The following UCK2 variants were observed in gnomAD, a reference collection of about 807,000 sequenced individuals.
The protein encoded by UCK2 is uridine-cytidine kinase 2.
Under a neutral mutation model 30.8 loss-of-function variants are expected in UCK2, and 6 were observed. That is an observed-to-expected ratio of 0.19 (90% CI 0.11 to 0.38). The LOEUF is 0.38. Among genes scored for constraint, UCK2 ranks in the 10% least tolerant of loss-of-function variants. The pLI, the probability that UCK2 is intolerant of heterozygous loss-of-function variation, is 1.00. For missense variants in UCK2, 210 were observed against 339.8 expected (o/e 0.62, Z 3.00); for synonymous variants, 125 against 133.6 (o/e 0.94, Z 0.45).
intron 1 of UCK2, among the ~76,000 whole-genome samples, chr1:165,866,981 T>C (rs1048411204): frequency 1.3e-5 from 2 of 152,204 alleles, no homozygotes; most frequent in African/African-American, 4.8e-5. Context: ...CTCGGAGATA[T>C]TGTGGTTTCA....
At chr1:165,906,017 T>C (rs765528677) in intron 6 of UCK2, 48 bp downstream of exon 6, 40 of 1,580,362 alleles carry the variant, frequency 2.5e-5, no homozygotes, top group Non-Finnish European at 2.9e-5. Context: ...CTGCCCTTTG[T>C]CAGTCATAAT....
chr1:165,902,345 G>A (rs1198396719), intron 4 of UCK2, among the ~76,000 whole-genome samples: 2 of 152,004 alleles, frequency 1.3e-5, no homozygotes, highest in Non-Finnish European at 2.9e-5. Flanking sequence ...CCAGGAGGTT[G>A]AGGCTGTAGT....
intron 1 of UCK2, among the ~76,000 whole-genome samples, chr1:165,869,634 T>C (rs1426432304): frequency 6.7e-6 from 1 of 150,300 alleles, no homozygotes; most frequent in Non-Finnish European, 1.5e-5. Flanking sequence ...TCCTAATGGG[T>C]ATGAAAGAGA....
intron 1 of UCK2, among the ~76,000 whole-genome samples, chr1:165,867,459 T>TA (rs1655074522): frequency 1.3e-5 from 2 of 152,132 alleles, no homozygotes; most frequent in Admixed American, 1.3e-4. Context: ...AATCAAAAAA[T>TA]AAAAAATTTA....
chr1:165,829,024 C>T (rs1454026707), intron 1 of UCK2, among the ~76,000 whole-genome samples: 2 of 152,094 alleles, frequency 1.3e-5, no homozygotes, highest in Admixed American at 6.5e-5. Context: ...GAGGAAAGAG[C>T]CACGAGGTTT....
chr1:165,858,105 T>G (rs569025897), intron 1 of UCK2, among the ~76,000 whole-genome samples: 1 of 152,284 alleles, frequency 6.6e-6, no homozygotes, highest in Non-Finnish European at 1.5e-5. Flanking sequence ...GTATCAGTTG[T>G]GTGAATAAGG....
chr1:165,907,616 C>G, intron 6 of UCK2, 68 bp from the exon 7 acceptor site: 1 of 1,549,120 alleles, frequency 6.5e-7, no homozygotes. Context: ...TTCCCCCAGA[C>G]AGACTCCCAC....
In UCK2 at chr1:165,880,857, C is replaced by A. The variant is rs565352120; in HGVS notation, c.100-9347C>A. 9.2e-5 allele frequency among the ~76,000 whole-genome samples: 14 copies of A among 151,642 alleles called. No homozygotes were observed. In the South Asian group the frequency reaches 1.7e-3, roughly 18 times the overall value. ...TGGTCTCACATGAGCAGTGTAGATA[C>A]CTCTCTGCCTTTTTGTTTAAGATGA... On this transcript the variant is annotated intron_variant, in intron 1 of 6. Coordinates refer to ENST00000367879, the MANE Select transcript of UCK2 (RefSeq NM_012474.5).
intron 1 of UCK2, among the ~76,000 whole-genome samples, chr1:165,840,131 C>G (rs1377348763): frequency 6.6e-6 from 1 of 152,264 alleles, no homozygotes; most frequent in Non-Finnish European, 1.5e-5. Flanking sequence ...GTTGGCCAGG[C>G]TGGTCTTGAA....
In UCK2 at chr1:165,830,263, C is replaced by T. The variant is rs113510767; in HGVS notation, c.99+2331C>T. On this transcript the variant is annotated intron_variant, in intron 1 of 6. Transcript: ENST00000367879. ...AAGTGATCCGCCCGCCTCTGCCTCC[C>T]AAAGTGCTGGGATTACAGGTGTGAG... is the stretch of plus-strand genomic sequence containing the variant. Among the ~76,000 whole-genome samples, 178 of 152,106 alleles carry T rather than the reference C, an allele frequency of 1.2e-3. 1 individual carries two copies. The highest frequency in any genetic ancestry group is 4.3e-3 in the African/African-American group (177 of 41,484).
chr1:165,878,843 G>T (rs1655403606), intron 1 of UCK2, among the ~76,000 whole-genome samples: 1 of 152,204 alleles, frequency 6.6e-6, no homozygotes, highest in South Asian at 2.1e-4. Context: ...CAAGGAACAT[G>T]GGTGCTGGAT....
chr1:165,876,431 A>T (rs1655339398), intron 1 of UCK2, among the ~76,000 whole-genome samples: 1 of 152,236 alleles, frequency 6.6e-6, no homozygotes, highest in Non-Finnish European at 1.5e-5. Context: ...TATATTCCAG[A>T]TAGCAACAGT....
At chr1:165,865,350 T>C (rs1655022341) in intron 1 of UCK2, among the ~76,000 whole-genome samples, 1 of 152,090 alleles carries the variant, frequency 6.6e-6, no homozygotes. Context: ...GCACTGTGAG[T>C]AGTTTCCCAG....
chr1:165,868,986 T>G lies in UCK2; in HGVS notation c.100-21218T>G, dbSNP rs141027428. 6.0e-3 allele frequency among the ~76,000 whole-genome samples: 916 copies of G among 152,292 alleles called. 8 individuals are homozygous for G. Among genetic ancestry groups the G allele is most frequent in the South Asian group, 7.0e-3 (34 of 4,828 alleles). Reference sequence around the variant, plus strand: ...TTTTACTTGAACACTTAGAGGCCATTGTAGGGTATTAATTGGCCTAACTTC... The same window carrying G: ...TTTTACTTGAACACTTAGAGGCCATGGTAGGGTATTAATTGGCCTAACTTC... On this transcript the variant is annotated intron_variant, in intron 1 of 6. Coordinates refer to ENST00000367879, the MANE Select transcript of UCK2 (RefSeq NM_012474.5).
chr1:165,897,871 G>A (rs1484005892), intron 4 of UCK2: 2 of 152,234 alleles, frequency 1.3e-5, no homozygotes, highest in Non-Finnish European at 2.9e-5. Flanking sequence ...AATGGAATGG[G>A]AGGAGACTTT....
intron 1 of UCK2, among the ~76,000 whole-genome samples, chr1:165,834,275 A>G (rs1183755086): frequency 1.3e-5 from 2 of 152,232 alleles, no homozygotes; most frequent in African/African-American, 4.8e-5. Context: ...TTACTAAATC[A>G]TGATATTCCC....
At chr1:165,857,771 C>T (rs575579040) in intron 1 of UCK2, among the ~76,000 whole-genome samples, 1 of 152,306 alleles carries the variant, frequency 6.6e-6, no homozygotes, top group East Asian at 1.9e-4. Flanking sequence ...ATGTCCTTCC[C>T]CTGCAGCTTT....
rs1053917053 is a variant in UCK2, at chr1:165,827,619, C to T, written c.-215C>T. ...CGCTGACCTCTGCCTGGGATGTAAA[C>T]CGGACCAGCCGCTGCGGGCAAAGGA... is the stretch of plus-strand genomic sequence containing the variant. On this transcript the variant is annotated 5_prime_UTR_variant, in exon 1 of 7. Transcript: ENST00000367879. 2.8e-4 allele frequency: 104 copies of T among 377,616 alleles called. No homozygotes were observed. The highest frequency in any genetic ancestry group is 2.1e-3 in the East Asian group (54 of 25,922). 23.4% of individuals were successfully genotyped at this position (377,616 alleles called of 1,614,324 possible). A position where few individuals can be genotyped will look rare whatever the true frequency, so the allele number is the denominator to read the frequency against.
intron 4 of UCK2, chr1:165,902,556 T>TCTCTAGGC (rs1214849776): frequency 6.7e-6 from 1 of 148,892 alleles, no homozygotes; most frequent in Non-Finnish European, 1.5e-5. Flanking sequence ...AGCCCACCAT[T>TCTCTAGGC]CTCTAGGCCA....
Sources: gnomAD v4.1 joint callset for allele counts (sites outside exome capture counted in the v4.1 genomes callset) on GRCh38, gnomAD v4.1.1 for gene constraint, MANE v1.5 for transcripts, NCBI Gene and HGNC (gene_info 2026-07-23, HGNC 2026-07-21) for gene names.